The following MECOM variants were observed in gnomAD, a reference collection of about 807,000 sequenced individuals.
The protein encoded by MECOM is MDS1 and EVI1 complex locus.
MECOM carries 13 observed loss-of-function variants against 116.3 expected under a neutral mutation model. The ratio of observed to expected loss-of-function variants is 0.11; its 90% CI spans 0.07 to 0.18. MECOM has a LOEUF of 0.18. Ranked by LOEUF, MECOM falls within the 10% of genes least tolerant of loss-of-function variation. MECOM has a pLI of 1.00. For synonymous variants in MECOM, 528 were observed against 535.2 expected (o/e 0.99, Z 0.19); for missense variants, 1,299 against 1,509.0 (o/e 0.86, Z 2.31).
chr3:169,156,832 G>T (rs1742071422), intron 2 of MECOM, among the ~76,000 whole-genome samples: 1 of 152,154 alleles, frequency 6.6e-6, no homozygotes, highest in Non-Finnish European at 1.5e-5. Flanking sequence ...AGAAAGAAAA[G>T]CAGCAGTGCA....
intron 2 of MECOM, among the ~76,000 whole-genome samples, chr3:169,348,193 T>C (rs1280454777): frequency 6.8e-6 from 1 of 147,202 alleles, no homozygotes; most frequent in Non-Finnish European, 1.5e-5. Flanking sequence ...TTGCAGATTC[T>C]GTCTGTGTGT....
intron 2 of MECOM, among the ~76,000 whole-genome samples, chr3:169,319,911 C>T (rs1055076954): frequency 3.3e-5 from 5 of 152,206 alleles, no homozygotes; most frequent in Non-Finnish European, 7.3e-5. Flanking sequence ...AAATGTATAG[C>T]ATCTTATTAG....
intron 1 of MECOM, among the ~76,000 whole-genome samples, chr3:169,443,994 T>C (rs1172226829): frequency 6.6e-6 from 1 of 152,176 alleles, no homozygotes; most frequent in Non-Finnish European, 1.5e-5. Flanking sequence ...ATCCCCAAAC[T>C]CACTCTTTCA....
chr3:169,175,303 AT>A (rs1744984925), intron 2 of MECOM, among the ~76,000 whole-genome samples: 1 of 152,038 alleles, frequency 6.6e-6, no homozygotes, highest in Non-Finnish European at 1.5e-5. Context: ...AAAATATGAC[AT>A]TTTTGAGTGC....
rs1007901035 is a variant in MECOM, at chr3:169,463,115, G to A, written c.38-81591C>T. ...TGTGGGCACACATTTATATGTCTGT[G>A]AGCATACAAAATAACACACACATGT... On this transcript the variant is annotated intron_variant, in intron 1 of 16. Transcript: ENST00000651503. 2.0e-5 allele frequency among the ~76,000 whole-genome samples: 3 copies of A among 152,230 alleles called. No homozygotes were observed. The East Asian group carries it at 5.8e-4, about 29-fold the overall frequency.
intron 2 of MECOM, among the ~76,000 whole-genome samples, chr3:169,186,118 C>T (rs1437934041): frequency 6.6e-6 from 1 of 152,084 alleles, no homozygotes; most frequent in Admixed American, 6.6e-5. Context: ...CATGACAGCA[C>T]TGTATCAGTT....
chr3:169,406,242 G>A (rs534264459), intron 1 of MECOM, among the ~76,000 whole-genome samples: 49 of 152,250 alleles, frequency 3.2e-4, no homozygotes, highest in African/African-American at 1.0e-3. Flanking sequence ...AATAGATTAC[G>A]CTTTTGGAAA....
chr3:169,440,799 A>G (rs1743514814), intron 1 of MECOM, among the ~76,000 whole-genome samples: 1 of 152,108 alleles, frequency 6.6e-6, no homozygotes, highest in Admixed American at 6.5e-5. Flanking sequence ...GAACACAACT[A>G]GCCCCTTCTC....
At chr3:169,579,516 G>C (rs1764874243) in intron 1 of MECOM, among the ~76,000 whole-genome samples, 1 of 152,158 alleles carries the variant, frequency 6.6e-6, no homozygotes, top group Admixed American at 6.5e-5. Context: ...AGGGGTAAGA[G>C]GGAGCCCCTA....
intron 7 of MECOM, among the ~76,000 whole-genome samples, chr3:169,118,715 C>A (rs1456572066): frequency 1.8e-5 from 1 of 54,362 alleles, no homozygotes; most frequent in Non-Finnish European, 3.6e-5. Flanking sequence ...TTCTTACAAT[C>A]AGATGGCTTA....
At chr3:169,536,713 C>T (rs1227166673) in intron 1 of MECOM, among the ~76,000 whole-genome samples, 1 of 152,094 alleles carries the variant, frequency 6.6e-6, no homozygotes, top group Admixed American at 6.6e-5. Flanking sequence ...TCTCCTTGCC[C>T]AACCTCATGC....
At chr3:169,499,332 A>G (rs1754229673) in intron 1 of MECOM, among the ~76,000 whole-genome samples, 1 of 145,890 alleles carries the variant, frequency 6.9e-6, no homozygotes, top group South Asian at 2.2e-4. Flanking sequence ...CAGAGAGAAA[A>G]GACAGATTAC....
chr3:169,198,824 T>C (rs1577324650), intron 2 of MECOM, among the ~76,000 whole-genome samples: 1 of 151,958 alleles, frequency 6.6e-6, no homozygotes, highest in South Asian at 2.1e-4. Flanking sequence ...TGATAAAAGA[T>C]CAAGCAGCAT....
intron 1 of MECOM, among the ~76,000 whole-genome samples, chr3:169,638,288 CT>C (rs1198703614): frequency 6.6e-6 from 1 of 152,180 alleles, no homozygotes; most frequent in East Asian, 1.9e-4. Flanking sequence ...TCTGCACTGT[CT>C]TGTTCCCCAA....
intron 2 of MECOM, among the ~76,000 whole-genome samples, chr3:169,257,308 A>G (rs532159329): frequency 3.3e-5 from 5 of 152,344 alleles, no homozygotes; most frequent in African/African-American, 1.2e-4. Flanking sequence ...GGGATAAAAA[A>G]TAATAATAAT....
rs1716966567 is a variant in MECOM at position 169,084,171 on chromosome 3, T to C, written c.*738A>G. On this transcript the variant is annotated 3_prime_UTR_variant, in exon 17 of 17. Coordinates refer to ENST00000651503, the MANE Select transcript of MECOM (RefSeq NM_004991.4). ...ATAAACATTAAAAACAGTGACATGATTGTCTAAAATTAAGATGTTATTACA... is the reference window on the plus strand; with the variant it reads ...ATAAACATTAAAAACAGTGACATGACTGTCTAAAATTAAGATGTTATTACA... 1 of 232,072 alleles carries C rather than the reference T, an allele frequency of 4.3e-6. No individual in the cohort carries two copies. The highest frequency in any genetic ancestry group is 2.2e-5 in the African/African-American group (1 of 45,410). The allele number at this position is 232,072 out of a possible 1,614,324, so 14.4% of individuals were successfully genotyped here. A position where few individuals can be genotyped will look rare whatever the true frequency, so the allele number is the denominator to read the frequency against.
chr3:169,550,253 C>A (rs962189117), intron 1 of MECOM, among the ~76,000 whole-genome samples: 1 of 152,150 alleles, frequency 6.6e-6, no homozygotes, highest in Non-Finnish European at 1.5e-5. Flanking sequence ...TTTTCCAGGC[C>A]AAGATACCCC....
intron 2 of MECOM, among the ~76,000 whole-genome samples, chr3:169,299,414 C>G (rs1382953545): frequency 6.6e-6 from 1 of 152,156 alleles, no homozygotes; most frequent in African/African-American, 2.4e-5. Flanking sequence ...CTACCAGGAT[C>G]AAAATGTTCT....
At chr3:169,651,101 G>C (rs1367168972) in intron 1 of MECOM, among the ~76,000 whole-genome samples, 1 of 152,166 alleles carries the variant, frequency 6.6e-6, no homozygotes, top group African/African-American at 2.4e-5. Context: ...CAGACGGAAT[G>C]CTTTCAACTT....
Sources: gnomAD v4.1 joint callset for allele counts (sites outside exome capture counted in the v4.1 genomes callset) on GRCh38, gnomAD v4.1.1 for gene constraint, MANE v1.5 for transcripts, NCBI Gene and HGNC (gene_info 2026-07-23, HGNC 2026-07-21) for gene names.